Variants in SLC2A9 observed in about 807,000 individuals in gnomAD.
SLC2A9 encodes solute carrier family 2 member 9, also known as solute carrier family 2, facilitated glucose transporter member 9.
A neutral mutation model predicts 50.6 loss-of-function variants in SLC2A9; 39 were observed. That is an observed-to-expected ratio of 0.77 (90% confidence interval 0.60 to 1.01). The LOEUF (loss-of-function observed/expected upper bound fraction) is 1.01. Among genes scored for constraint, SLC2A9 ranks in the 50% least tolerant of loss-of-function variants. The probability of loss-of-function intolerance (pLI) is 0.00; values close to 1 mark genes in which losing one functional copy is unlikely to be tolerated. For synonymous variants in SLC2A9, 324 were observed against 276.9 expected (o/e 1.17, Z -1.69); for missense variants, 686 against 677.6 (o/e 1.01, Z -0.14).
At chr4:10,019,336 A>G (rs1763208629) in intron 1 of SLC2A9, 1 of 546,610 alleles carries the variant, frequency 1.8e-6, no homozygotes, top group Non-Finnish European at 3.3e-6. Flanking sequence ...GATTCCTGAA[A>G]CGCAGTTTTC....
intron 2 of SLC2A9, among the ~76,000 whole-genome samples, chr4:10,011,841 C>A (rs577510477): frequency 1.3e-5 from 2 of 152,202 alleles, no homozygotes; most frequent in Admixed American, 1.3e-4. Flanking sequence ...TATTTAGATG[C>A]TATGCAGCAT....
At chr4:9,803,317 G>A (rs544695696) in intron 3 of SLC2A9, among the ~76,000 whole-genome samples, 6 of 152,308 alleles carry the variant, frequency 3.9e-5, no homozygotes, top group African/African-American at 1.2e-4. Flanking sequence ...GATGATATAC[G>A]GCACTTTGTG....
At chr4:9,841,304 G>A (rs184177798) in intron 10 of SLC2A9, among the ~76,000 whole-genome samples, 2 of 152,134 alleles carry the variant, frequency 1.3e-5, no homozygotes, top group East Asian at 1.9e-4. Flanking sequence ...TGGCCATCTC[G>A]TGAGCGACTT....
rs868506119 is a variant in SLC2A9 at position 9,792,171 on chromosome 4, T to C, written n.386-12106A>G. Reference sequence around the variant, plus strand: ...TTTTCTATTCTATGTTTCTTTTTTTTTTTTTTTTTTTTTTTGTGGCAGGGA... The same window carrying C: ...TTTTCTATTCTATGTTTCTTTTTTTCTTTTTTTTTTTTTTTGTGGCAGGGA... On this transcript the variant is annotated intron_variant and non_coding_transcript_variant, in intron 3 of 3. Transcript: ENST00000503803. Among the ~76,000 whole-genome samples the C allele has an allele frequency of 2.4e-3, 334 of 140,628 alleles. 1 individual carries two copies. The highest frequency in any genetic ancestry group is 7.2e-3 in the Middle Eastern group (2 of 278). 92.3% of individuals were successfully genotyped at this position (140,628 alleles called of 152,430 possible). A position where few individuals can be genotyped will look rare whatever the true frequency, so the allele number is the denominator to read the frequency against.
intron 6 of SLC2A9, among the ~76,000 whole-genome samples, chr4:9,937,848 G>A (rs547329853): frequency 2.6e-5 from 4 of 152,068 alleles, no homozygotes; most frequent in South Asian, 2.1e-4. Context: ...GGGAGTAAGC[G>A]AGGAGTTTAC....
At chr4:9,820,909 C>CA (rs1724307726) in intron 3 of SLC2A9, among the ~76,000 whole-genome samples, 1 of 152,144 alleles carries the variant, frequency 6.6e-6, no homozygotes, top group Admixed American at 6.6e-5. Flanking sequence ...TCAATCTGTA[C>CA]ACCTTTTATT....
At chr4:10,010,002 G>T (rs1560482937) in intron 2 of SLC2A9, among the ~76,000 whole-genome samples, 1 of 152,190 alleles carries the variant, frequency 6.6e-6, no homozygotes, top group African/African-American at 2.4e-5. Context: ...AGACCTCTCA[G>T]AATCCCTTGA....
chr4:9,911,663 C>T (rs746082), intron 7 of SLC2A9, among the ~76,000 whole-genome samples: 2,047 of 152,186 alleles, frequency 0.013, 18 homozygotes, highest in Middle Eastern at 0.041. Flanking sequence ...CCTGCGTGAC[C>T]GCAGGCAAGC....
At chr4:9,881,263 G>C (rs1395925515) in intron 10 of SLC2A9, among the ~76,000 whole-genome samples, 1 of 152,228 alleles carries the variant, frequency 6.6e-6, no homozygotes, top group Non-Finnish European at 1.5e-5. Context: ...CTGGGCCCTA[G>C]CCCTCCAAGA....
chr4:9,873,810 G>C (rs567788147), intron 10 of SLC2A9, among the ~76,000 whole-genome samples: 7 of 152,336 alleles, frequency 4.6e-5, no homozygotes, highest in Admixed American at 1.3e-4. Context: ...TTTAATCCAT[G>C]AGGCTTGGCG....
chr4:9,874,481 AC>A (rs1229676372), intron 10 of SLC2A9, among the ~76,000 whole-genome samples: 8 of 152,162 alleles, frequency 5.3e-5, no homozygotes, highest in Admixed American at 5.2e-4. Flanking sequence ...AAAGTGGAGC[AC>A]CATGCCAGTT....
chr4:10,038,930 T>G (rs1294823228), intron 1 of SLC2A9, among the ~76,000 whole-genome samples: 1 of 152,202 alleles, frequency 6.6e-6, no homozygotes, highest in Non-Finnish European at 1.5e-5. Context: ...GGCTAAATAG[T>G]CTCATCTAAG....
At chr4:9,856,843 C>G (rs1730802652) in intron 10 of SLC2A9, among the ~76,000 whole-genome samples, 1 of 152,126 alleles carries the variant, frequency 6.6e-6, no homozygotes, top group Admixed American at 6.5e-5. Flanking sequence ...GGCCATTATC[C>G]TAAGTCAACT....
intron 2 of SLC2A9, among the ~76,000 whole-genome samples, chr4:10,004,251 T>C (rs1226540550): frequency 3.9e-5 from 6 of 152,328 alleles, no homozygotes; most frequent in East Asian, 3.9e-4. Context: ...CAGAGAAGTC[T>C]GGAGTGGAGA....
At chr4:9,789,305 G>T (rs1238083368) in intron 3 of SLC2A9, among the ~76,000 whole-genome samples, 1 of 152,202 alleles carries the variant, frequency 6.6e-6, no homozygotes, top group Non-Finnish European at 1.5e-5. Flanking sequence ...TATGTGCTGT[G>T]ATGCATGTGG....
intron 1 of SLC2A9, 200 bp from the exon 2 acceptor site, chr4:10,019,273 G>C: frequency 1.7e-6 from 1 of 591,400 alleles, no homozygotes; most frequent in East Asian, 2.8e-5. Context: ...GCGCAGGCCG[G>C]GCGCCCTCAG....
intron 5 of SLC2A9, among the ~76,000 whole-genome samples, chr4:9,954,350 C>G (rs759165915): frequency 6.6e-6 from 1 of 152,272 alleles, no homozygotes; most frequent in Non-Finnish European, 1.5e-5. Flanking sequence ...TTGTCTGCAA[C>G]TATATTTGTT....
chr4:9,835,841 C>T (rs890412605), intron 10 of SLC2A9, among the ~76,000 whole-genome samples: 9 of 152,188 alleles, frequency 5.9e-5, no homozygotes, highest in Non-Finnish European at 1.0e-4. Context: ...AATCCCAGCA[C>T]TTTGGGAGGC....
At chr4:9,851,693 G>C (rs1044456167) in intron 10 of SLC2A9, among the ~76,000 whole-genome samples, 1 of 150,756 alleles carries the variant, frequency 6.6e-6, no homozygotes, top group South Asian at 2.1e-4. Context: ...CAATACAGGA[G>C]GTGAAAGACG....
Sources: gnomAD v4.1 joint callset for allele counts (sites outside exome capture counted in the v4.1 genomes callset) on GRCh38, gnomAD v4.1.1 for gene constraint, MANE v1.5 for transcripts, NCBI Gene and HGNC (gene_info 2026-07-23, HGNC 2026-07-21) for gene names.